CSMD1: variants seen among roughly 807,000 people sequenced by gnomAD.
CSMD1 encodes the protein CUB and Sushi multiple domains 1, also known as CUB and sushi domain-containing protein 1.
A neutral mutation model predicts 417.5 loss-of-function variants in CSMD1; 213 were observed. The ratio of observed to expected loss-of-function variants is 0.51; its 90% CI spans 0.46 to 0.57. CSMD1 has a LOEUF of 0.57. Among genes scored for constraint, CSMD1 ranks in the 20% least tolerant of loss-of-function variants. The pLI, the probability that CSMD1 is intolerant of heterozygous loss-of-function variation, is 0.00. For synonymous variants in CSMD1, 2,862 were observed against 1,736.8 expected (o/e 1.65, Z -16.11); for missense variants, 6,923 against 4,529.7 (o/e 1.53, Z -15.17).
At chr8:3,962,339 A>G (rs1257651693) in intron 5 of CSMD1, among the ~76,000 whole-genome samples, 2 of 152,266 alleles carry the variant, frequency 1.3e-5, no homozygotes, top group African/African-American at 2.4e-5. Flanking sequence ...TGCAGGATTA[A>G]GATCCCAAGT....
intron 3 of CSMD1, among the ~76,000 whole-genome samples, chr8:4,056,006 G>A (rs980018079): frequency 4.0e-5 from 6 of 150,654 alleles, no homozygotes; most frequent in African/African-American, 1.5e-4. Context: ...ATGGAAAATT[G>A]TAGTCTACAC....
At chr8:4,008,933 G>A (rs1469538770) in intron 4 of CSMD1, among the ~76,000 whole-genome samples, 1 of 152,046 alleles carries the variant, frequency 6.6e-6, no homozygotes, top group Non-Finnish European at 1.5e-5. Flanking sequence ...TCTAAATTGT[G>A]CTCCTATGAT....
chr8:4,800,447 A>G (rs1798218847), intron 1 of CSMD1, among the ~76,000 whole-genome samples: 1 of 152,072 alleles, frequency 6.6e-6, no homozygotes, highest in Non-Finnish European at 1.5e-5. Context: ...TCAAAAAAAA[A>G]AAAAAAAGGA....
chr8:4,714,765 G>A (rs1037282029), intron 1 of CSMD1, among the ~76,000 whole-genome samples: 1 of 151,876 alleles, frequency 6.6e-6, no homozygotes, highest in African/African-American at 2.4e-5. Flanking sequence ...AAATAATAGA[G>A]GAAAAATAAT....
At chr8:3,232,513 C>G (rs564014784) in intron 26 of CSMD1, among the ~76,000 whole-genome samples, 1 of 152,210 alleles carries the variant, frequency 6.6e-6, no homozygotes, top group South Asian at 2.1e-4. Context: ...GGTCATTTTT[C>G]TTTTTACCCT....
chr8:4,157,154 A>G (rs1038004774), intron 3 of CSMD1, among the ~76,000 whole-genome samples: 2 of 152,294 alleles, frequency 1.3e-5, no homozygotes, highest in African/African-American at 4.8e-5. Flanking sequence ...AAGTGGTAGA[A>G]GAAACATCAG....
At chr8:4,458,703 ATTAT>A (rs1256060085) in intron 2 of CSMD1, among the ~76,000 whole-genome samples, 3 of 152,172 alleles carry the variant, frequency 2.0e-5, no homozygotes, top group African/African-American at 7.2e-5. Flanking sequence ...AAATAATTAG[ATTAT>A]TTCTTTATTA....
At chr8:3,091,928 C>G (rs1814976252) in intron 47 of CSMD1, among the ~76,000 whole-genome samples, 1 of 151,924 alleles carries the variant, frequency 6.6e-6, no homozygotes, top group East Asian at 1.9e-4. Flanking sequence ...AACAGCAGTA[C>G]CCGAAAAAAA....
chr8:4,619,589 T>C (rs183146004), intron 2 of CSMD1, among the ~76,000 whole-genome samples: 39 of 152,246 alleles, frequency 2.6e-4, no homozygotes, highest in African/African-American at 7.2e-4. Context: ...ACCAGATACA[T>C]CCAGTTATAT....
At chr8:3,227,510 G>A (rs931435047) in intron 27 of CSMD1, among the ~76,000 whole-genome samples, 11 of 152,154 alleles carry the variant, frequency 7.2e-5, no homozygotes, top group African/African-American at 2.7e-4. Flanking sequence ...GCTCATTGAA[G>A]CTATCTTCAG....
chr8:4,263,933 C>G (rs1050400413), intron 3 of CSMD1, among the ~76,000 whole-genome samples: 24 of 152,212 alleles, frequency 1.6e-4, no homozygotes, highest in African/African-American at 4.1e-4. Context: ...CAGTGTTTTT[C>G]TATCTATATA....
chr8:4,671,319 T>C (rs1313700720), intron 1 of CSMD1, among the ~76,000 whole-genome samples: 2 of 152,214 alleles, frequency 1.3e-5, no homozygotes, highest in Non-Finnish European at 2.9e-5. Context: ...CAATTCTTTA[T>C]TCTTGTTTTT....
chr8:4,233,327 T>G (rs1801856539), intron 3 of CSMD1, among the ~76,000 whole-genome samples: 1 of 152,208 alleles, frequency 6.6e-6, no homozygotes, highest in African/African-American at 2.4e-5. Context: ...AAAACCTCTC[T>G]TCATTGACAT....
At chr8:4,705,390 G>A (rs1428145050) in intron 1 of CSMD1, among the ~76,000 whole-genome samples, 4 of 152,226 alleles carry the variant, frequency 2.6e-5, no homozygotes, top group African/African-American at 9.6e-5. Flanking sequence ...CGTCTATCAA[G>A]AACATGCATA....
intron 1 of CSMD1, among the ~76,000 whole-genome samples, chr8:4,824,915 A>T (rs1162837461): frequency 6.6e-6 from 1 of 152,146 alleles, no homozygotes; most frequent in Non-Finnish European, 1.5e-5. Context: ...TGCTACACAA[A>T]TGCTAACGTA....
At chr8:3,812,279 G>A (rs1801131558) in intron 5 of CSMD1, among the ~76,000 whole-genome samples, 1 of 152,134 alleles carries the variant, frequency 6.6e-6, no homozygotes, top group Non-Finnish European at 1.5e-5. Context: ...CATTGTTTTT[G>A]GTGGGGACTC....
chr8:3,320,407 C>G (rs1219148840), intron 23 of CSMD1, among the ~76,000 whole-genome samples: 1 of 152,100 alleles, frequency 6.6e-6, no homozygotes, highest in Non-Finnish European at 1.5e-5. Flanking sequence ...ACAAGAAAAA[C>G]TAAAGGATTT....
chr8:4,063,203 G>C (rs1362662325), intron 3 of CSMD1, among the ~76,000 whole-genome samples: 1 of 151,990 alleles, frequency 6.6e-6, no homozygotes, highest in Non-Finnish European at 1.5e-5. Context: ...ATCCTGATTT[G>C]ATCATGAGAC....
intron 10 of CSMD1, among the ~76,000 whole-genome samples, chr8:3,505,016 A>G (rs1480987280): frequency 9.5e-5 from 1 of 10,578 alleles, no homozygotes; most frequent in Admixed American, 9.5e-4. Flanking sequence ...AGAAACAGTT[A>G]AAAAAAAAAA....
Sources: gnomAD v4.1 joint callset for allele counts (sites outside exome capture counted in the v4.1 genomes callset) on GRCh38, gnomAD v4.1.1 for gene constraint, MANE v1.5 for transcripts, NCBI Gene and HGNC (gene_info 2026-07-23, HGNC 2026-07-21) for gene names.